The following PDE4D variants were observed in gnomAD, a reference collection of about 807,000 sequenced individuals.
PDE4D encodes the protein phosphodiesterase 4D.
In PDE4D, 24 loss-of-function variants were observed where a neutral mutation model predicts 87.4. The ratio of observed to expected loss-of-function variants is 0.27; its 90% CI spans 0.20 to 0.39. The LOEUF is 0.39. Ranked by LOEUF, PDE4D falls within the 10% of genes least tolerant of loss-of-function variation. PDE4D has a pLI of 1.00. For missense variants in PDE4D, 714 were observed against 1,041.0 expected (o/e 0.69, Z 4.32); for synonymous variants, 384 against 383.2 (o/e 1.00, Z -0.02).
At chr5:60,373,598 T>C (rs937565793) in intron 1 of PDE4D, among the ~76,000 whole-genome samples, 4 of 152,224 alleles carry the variant, frequency 2.6e-5, no homozygotes, top group Admixed American at 2.6e-4. Flanking sequence ...TTCAGAAAGC[T>C]CCTATATTGG....
intron 1 of PDE4D, among the ~76,000 whole-genome samples, chr5:59,273,103 C>A (rs753200552): frequency 3.3e-5 from 5 of 152,038 alleles, no homozygotes; most frequent in Admixed American, 6.6e-5. Context: ...GGAGATCAAC[C>A]TGGAAACAAA....
intron 1 of PDE4D, among the ~76,000 whole-genome samples, chr5:59,235,360 G>A (rs1042392570): frequency 5.3e-5 from 8 of 152,310 alleles, no homozygotes; most frequent in African/African-American, 9.6e-5. Context: ...TTGTTTCTGA[G>A]CACCTTCACA....
chr5:59,977,329 A>G (rs1761440903), intron 3 of PDE4D, among the ~76,000 whole-genome samples: 2 of 152,228 alleles, frequency 1.3e-5, no homozygotes, highest in South Asian at 4.1e-4. Context: ...AGTGGTCTGG[A>G]TAGAAGATCA....
At chr5:59,986,364 G>A (rs910931192) in intron 3 of PDE4D, 4 of 152,152 alleles carry the variant, frequency 2.6e-5, no homozygotes, top group African/African-American at 9.7e-5. Flanking sequence ...CAAGATTTTA[G>A]ATTACACACA....
chr5:60,218,561 C>T (rs1744132660), intron 1 of PDE4D, among the ~76,000 whole-genome samples: 1 of 151,828 alleles, frequency 6.6e-6, no homozygotes, highest in Admixed American at 6.6e-5. Flanking sequence ...TCCTAATTCC[C>T]CATGTTTTTA....
At chr5:60,301,334 C>G (rs1317086542) in intron 1 of PDE4D, among the ~76,000 whole-genome samples, 1 of 152,180 alleles carries the variant, frequency 6.6e-6, no homozygotes, top group Non-Finnish European at 1.5e-5. Flanking sequence ...ATTGATTCTT[C>G]CCATCCATGA....
At chr5:59,360,237 T>G (rs892957028) in intron 1 of PDE4D, among the ~76,000 whole-genome samples, 15 of 152,150 alleles carry the variant, frequency 9.9e-5, no homozygotes, top group Non-Finnish European at 1.6e-4. Flanking sequence ...AAGTCTCTAG[T>G]TAACAGGCAT....
At chr5:60,048,953 C>A (rs946594401) in intron 2 of PDE4D, among the ~76,000 whole-genome samples, 2 of 152,200 alleles carry the variant, frequency 1.3e-5, no homozygotes, top group Non-Finnish European at 2.9e-5. Flanking sequence ...TAATATCCTG[C>A]AGAGTGTTTT....
In PDE4D at chr5:59,929,010, G is replaced by C. The variant is rs113476126; in HGVS notation, c.272+59478C>G. ...AACATTTTTTGCTGTAGTAAAAAGG[G>C]CTTAAATAAGGATTCTTTTCTGAGT... On this transcript the variant is annotated intron_variant, in intron 3 of 16. Coordinates refer to the PDE4D transcript ENST00000502484. 1.8e-4 allele frequency among the ~76,000 whole-genome samples: 27 copies of C among 151,834 alleles called. 1 individual carries two copies. The highest frequency in any genetic ancestry group is 6.0e-4 in the African/African-American group (25 of 41,454).
At chr5:60,383,490 T>C (rs1761999427) in intron 1 of PDE4D, among the ~76,000 whole-genome samples, 1 of 152,278 alleles carries the variant, frequency 6.6e-6, no homozygotes, top group African/African-American at 2.4e-5. Context: ...ACTGTGTAAA[T>C]CAGCTACTTC....
intron 1 of PDE4D, among the ~76,000 whole-genome samples, chr5:59,222,203 C>T (rs1340724842): frequency 1.3e-5 from 2 of 152,194 alleles, no homozygotes; most frequent in Non-Finnish European, 2.9e-5. Context: ...TCCAATCTAC[C>T]TTTCATCCAC....
Position 58,991,791 on chromosome 5 carries a change from T to C in PDE4D, c.1188+41A>G, listed in dbSNP as rs3805555. 2,128 of 1,252,100 alleles carry C rather than the reference T, an allele frequency of 1.7e-3. 53 individuals are homozygous for C. In the East Asian group the frequency reaches 0.048, roughly 28 times the overall value. 77.6% of individuals were successfully genotyped at this position (1,252,100 alleles called of 1,614,324 possible). A position where few individuals can be genotyped will look rare whatever the true frequency, so the allele number is the denominator to read the frequency against. ...AGAAGTGAAAATTCATGAAAGGGCA[T>C]CATTTAATATTTATGATCCTGATCT... On this transcript the variant is annotated intron_variant, in intron 8 of 14. Transcript: ENST00000340635.
At chr5:59,689,706 G>A (rs1750571591) in intron 1 of PDE4D, among the ~76,000 whole-genome samples, 2 of 152,140 alleles carry the variant, frequency 1.3e-5, no homozygotes, top group Non-Finnish European at 2.9e-5. Flanking sequence ...ACATAGTATT[G>A]GAAGTTCTGG....
chr5:59,857,787 A>G (rs1450249627), intron 1 of PDE4D, among the ~76,000 whole-genome samples: 4 of 151,964 alleles, frequency 2.6e-5, no homozygotes, highest in African/African-American at 4.8e-5. Flanking sequence ...ATGAGAACTC[A>G]TTAACTAGAT....
rs1231438677 is a variant in PDE4D at position 60,437,665 on chromosome 5, T to G, written c.-90+50277A>C. Among the ~76,000 whole-genome samples, 3 of 152,134 alleles carry G rather than the reference T, an allele frequency of 2.0e-5. No individual in the cohort carries two copies. In the East Asian group the frequency reaches 5.8e-4, roughly 29 times the overall value. On this transcript the variant is annotated intron_variant, in intron 1 of 16. Coordinates refer to the PDE4D transcript ENST00000502484. ...TTTATGTTTATATTAATACCCTTTC[T>G]TTGAACATAAATTCAGAAAGAATAT...
At position 59,712,884 on chromosome 5, in the gene PDE4D, T is replaced by C. The variant is rs560057551; in HGVS notation, c.455+180284A>G. ...GTTACAATTATTATAATGAAATAAA[T>C]AAGGTTGACAACTGTTTAAAGAATT... On this transcript the variant is annotated intron_variant, in intron 1 of 14. Transcript: ENST00000340635. Among the ~76,000 whole-genome samples, 324 of 152,244 alleles carry C rather than the reference T, an allele frequency of 2.1e-3. 1 individual carries two copies. Among genetic ancestry groups the C allele is most frequent in the African/African-American group, 7.4e-3 (308 of 41,566 alleles).
intron 1 of PDE4D, among the ~76,000 whole-genome samples, chr5:59,370,759 G>C (rs1258761808): frequency 1.3e-5 from 2 of 152,134 alleles, no homozygotes; most frequent in East Asian, 1.9e-4. Flanking sequence ...TAGTGGTAAT[G>C]GTTCAATATA....
chr5:59,196,461 CT>C (rs1745473066), intron 2 of PDE4D, among the ~76,000 whole-genome samples: 1 of 152,238 alleles, frequency 6.6e-6, no homozygotes, highest in Non-Finnish European at 1.5e-5. Context: ...ATCATTCTGA[CT>C]TTCCCTTCTG....
intron 2 of PDE4D, among the ~76,000 whole-genome samples, chr5:60,136,264 G>T (rs1448940171): frequency 6.6e-6 from 1 of 151,630 alleles, no homozygotes; most frequent in Non-Finnish European, 1.5e-5. Flanking sequence ...GCCTAAATAA[G>T]AAATTAACCT....
Sources: gnomAD v4.1 joint callset for allele counts (sites outside exome capture counted in the v4.1 genomes callset) on GRCh38, gnomAD v4.1.1 for gene constraint, MANE v1.5 for transcripts, NCBI Gene and HGNC (gene_info 2026-07-23, HGNC 2026-07-21) for gene names.